Variants in FHIT observed in about 807,000 individuals in gnomAD.
FHIT encodes bis(5'-adenosyl)-triphosphatase.
In FHIT, 19 loss-of-function variants were observed where a neutral mutation model predicts 17.9. The ratio of observed to expected loss-of-function variants is 1.06; its 90% confidence interval spans 0.74 to 1.56. The LOEUF is 1.56. Among genes scored for constraint, FHIT ranks in the 40% most tolerant of loss-of-function variants. The probability of loss-of-function intolerance (pLI) is 0.00; values close to 1 mark genes in which losing one functional copy is unlikely to be tolerated. For synonymous variants in FHIT, 81 were observed against 69.7 expected, an observed-to-expected ratio of 1.16 and a Z score of -0.81; for missense variants, 248 against 189.2, an observed-to-expected ratio of 1.31 and a Z score of -1.82.
At chr3:60,700,096 A>C (rs1228774218) in intron 4 of FHIT, among the ~76,000 whole-genome samples, 1 of 148,348 alleles carries the variant, frequency 6.7e-6, no homozygotes, top group Non-Finnish European at 1.5e-5. Flanking sequence ...ACGCCACTGC[A>C]CTCCAGCCTG....
intron 8 of FHIT, among the ~76,000 whole-genome samples, chr3:59,905,214 C>T (rs913240285): frequency 1.3e-5 from 2 of 152,110 alleles, no homozygotes; most frequent in African/African-American, 4.8e-5. Context: ...GAACTTCAGC[C>T]CAGCCAAGAA....
chr3:59,773,524 T>A (rs1702165803), intron 8 of FHIT, among the ~76,000 whole-genome samples: 1 of 152,206 alleles, frequency 6.6e-6, no homozygotes, highest in Non-Finnish European at 1.5e-5. Flanking sequence ...TTAGACCTTT[T>A]TCCTCCCACT....
chr3:60,792,204 T>C (rs1227583884), intron 4 of FHIT, among the ~76,000 whole-genome samples: 3 of 152,224 alleles, frequency 2.0e-5, no homozygotes, highest in Admixed American at 6.5e-5. Context: ...TTTTCTCCTC[T>C]AATAGCCAGC....
intron 3 of FHIT, among the ~76,000 whole-genome samples, chr3:60,829,559 G>GA: frequency 6.6e-6 from 1 of 152,206 alleles, no homozygotes; most frequent in Admixed American, 6.5e-5. Context: ...TAGAAGAGGA[G>GA]AAAAAAGTAA....
chr3:60,029,897 C>CTGTGTGTGTCTGTGTGTG (rs1354637337), intron 5 of FHIT, among the ~76,000 whole-genome samples: 244 of 127,902 alleles, frequency 1.9e-3, no homozygotes, highest in African/African-American at 6.4e-3. Context: ...GTGTGTGTGT[C>CTGTGTGTGTCTGTGTGTG]TGTGTGTGTG....
chr3:60,083,446 T>A (rs931109892), intron 5 of FHIT, among the ~76,000 whole-genome samples: 1 of 152,158 alleles, frequency 6.6e-6, no homozygotes, highest in African/African-American at 2.4e-5. Context: ...GGGCTCCTTT[T>A]TGGTTCCATG....
intron 3 of FHIT, among the ~76,000 whole-genome samples, chr3:60,928,398 A>G (rs2107351928): frequency 6.6e-6 from 1 of 151,512 alleles, no homozygotes; most frequent in African/African-American, 2.4e-5. Flanking sequence ...AAGTGCGAAA[A>G]TTAGCCAGGC....
intron 5 of FHIT, among the ~76,000 whole-genome samples, chr3:60,430,920 C>G (rs908220535): frequency 6.6e-6 from 1 of 151,942 alleles, no homozygotes; most frequent in Non-Finnish European, 1.5e-5. Flanking sequence ...TTTTCTCAGT[C>G]CTGGTTTTGG....
intron 2 of FHIT, among the ~76,000 whole-genome samples, chr3:61,134,087 T>TCACACACACATACACACA (rs2036840784): frequency 2.3e-5 from 1 of 42,562 alleles, no homozygotes; most frequent in Non-Finnish European, 5.5e-5. Flanking sequence ...AGACTCTGTC[T>TCACACACACATACACACA]CACACACACA....
intron 5 of FHIT, among the ~76,000 whole-genome samples, chr3:60,216,597 ATACTC>A (rs1355700250): frequency 2.6e-5 from 4 of 152,290 alleles, no homozygotes; most frequent in African/African-American, 9.6e-5. Flanking sequence ...CTGAGCTGAA[ATACTC>A]TACTCTAAGC....
chr3:60,019,895 A>G (rs1351207605), intron 5 of FHIT, among the ~76,000 whole-genome samples: 1 of 152,220 alleles, frequency 6.6e-6, no homozygotes, highest in Non-Finnish European at 1.5e-5. Flanking sequence ...ATGGCAAAAC[A>G]TTGCACATCT....
chr3:60,948,738 A>T (rs760270944), intron 3 of FHIT, among the ~76,000 whole-genome samples: 5 of 152,176 alleles, frequency 3.3e-5, no homozygotes, highest in African/African-American at 1.2e-4. Flanking sequence ...AATAACCAAA[A>T]TTTTTTTAAA....
At chr3:60,212,129 G>A (rs1703479750) in intron 5 of FHIT, among the ~76,000 whole-genome samples, 1 of 152,042 alleles carries the variant, frequency 6.6e-6, no homozygotes. Flanking sequence ...GCAGTCACTT[G>A]GCAGAAAACA....
intron 2 of FHIT, among the ~76,000 whole-genome samples, chr3:61,074,106 G>C (rs1052497869): frequency 6.6e-6 from 1 of 151,714 alleles, no homozygotes; most frequent in African/African-American, 2.4e-5. Flanking sequence ...TTTTTTTAAA[G>C]CATAAGCAGC....
chr3:60,329,302 G>C (rs564296431), intron 5 of FHIT, among the ~76,000 whole-genome samples: 1 of 152,060 alleles, frequency 6.6e-6, no homozygotes, highest in East Asian at 1.9e-4. Context: ...TTAGCCATTA[G>C]CTTTAAAAAA....
Position 59,865,870 on chromosome 3 carries a change from G to T in FHIT, c.348+56476C>A, listed in dbSNP as rs555980609. On this transcript the variant is annotated intron_variant, in intron 8 of 9. Transcript: ENST00000492590. ...GTGGGGAGTGAGAGCCTGAGGTTCG[G>T]CAGAGGCAGGAACGGGGAGAGAGAG... Among the ~76,000 whole-genome samples the T allele has an allele frequency of 2.7e-3, 405 of 152,250 alleles. 3 individuals are homozygous for T. The highest frequency in any genetic ancestry group is 9.6e-3 in the African/African-American group (397 of 41,538).
chr3:60,590,847 A>G (rs2038061223), intron 4 of FHIT, among the ~76,000 whole-genome samples: 2 of 152,108 alleles, frequency 1.3e-5, no homozygotes, highest in Non-Finnish European at 2.9e-5. Context: ...AGCACAGGCT[A>G]TGGCAGGATT....
At chr3:60,796,137 C>T (rs1700973313) in intron 4 of FHIT, among the ~76,000 whole-genome samples, 1 of 152,100 alleles carries the variant, frequency 6.6e-6, no homozygotes, top group Non-Finnish European at 1.5e-5. Context: ...AAAGACCAGC[C>T]CCCATGATTC....
intron 7 of FHIT, among the ~76,000 whole-genome samples, chr3:59,932,257 G>A (rs1706009536): frequency 6.7e-6 from 1 of 149,792 alleles, no homozygotes; most frequent in South Asian, 2.2e-4. Context: ...GATAAACCCA[G>A]GAGAAGTTAT....
Sources: gnomAD v4.1 joint callset for allele counts (sites outside exome capture counted in the v4.1 genomes callset) on GRCh38, gnomAD v4.1.1 for gene constraint, MANE v1.5 for transcripts, NCBI Gene and HGNC (gene_info 2026-07-23, HGNC 2026-07-21) for gene names.